Variants in GPX6 observed in about 807,000 individuals in gnomAD.
The protein encoded by GPX6 is glutathione peroxidase 6, also known as glutathione peroxidase 6 (olfactory).
Under a neutral mutation model 20.0 loss-of-function variants are expected in GPX6, and 21 were observed. The ratio of observed to expected loss-of-function variants is 1.05; its 90% CI spans 0.74 to 1.51. The LOEUF (loss-of-function observed/expected upper bound fraction) is 1.51. Ranked by LOEUF, GPX6 falls within the 40% of genes most tolerant of loss-of-function variation. GPX6 has a pLI of 0.00. For synonymous variants in GPX6, 75 were observed against 98.0 expected (o/e 0.77, Z 1.38); for missense variants, 233 against 254.7 (o/e 0.91, Z 0.58).
At chr6:28,511,596 A>C (rs562888533) in intron 1 of GPX6, among the ~76,000 whole-genome samples, 53 of 152,352 alleles carry the variant, frequency 3.5e-4, no homozygotes, top group African/African-American at 1.2e-3. Context: ...ATGTGGAGAG[A>C]AGCACATCAG....
chr6:28,509,153 T>G (rs191579865), intron 2 of GPX6, among the ~76,000 whole-genome samples: 2 of 152,044 alleles, frequency 1.3e-5, no homozygotes, highest in Non-Finnish European at 2.9e-5. Flanking sequence ...TAAGAAAAAT[T>G]GATAGGGTTT....
chr6:28,504,096 C>A lies in GPX6; in HGVS notation c.*196G>T. ...TACCAACAAATACAATTCTACATAT[C>A]CATACACACACACACACACACACAC... On this transcript the variant is annotated 3_prime_UTR_variant, in exon 5 of 5. Transcript: ENST00000361902. 1.9e-6 allele frequency: 1 copy of A among 528,574 alleles called. No homozygotes were observed. Among genetic ancestry groups the A allele is most frequent in the Non-Finnish European group, 3.3e-6 (1 of 306,926 alleles). 32.7% of individuals were successfully genotyped at this position (528,574 alleles called of 1,614,324 possible).
chr6:28,512,484 AC>A (rs1762902566), intron 1 of GPX6, among the ~76,000 whole-genome samples: 1 of 152,210 alleles, frequency 6.6e-6, no homozygotes, highest in African/African-American at 2.4e-5. Context: ...GAAGTGGAGC[AC>A]TTTTGTGTCT....
intron 2 of GPX6, among the ~76,000 whole-genome samples, chr6:28,507,817 C>T (rs1762821340): frequency 6.6e-6 from 1 of 152,020 alleles, no homozygotes; most frequent in African/African-American, 2.4e-5. Context: ...GATCCGGCCA[C>T]CTTGGTCTCC....
chr6:28,511,800 G>T (rs1018195670), intron 1 of GPX6, among the ~76,000 whole-genome samples: 1 of 152,252 alleles, frequency 6.6e-6, no homozygotes, highest in African/African-American at 2.4e-5. Context: ...GGCTGGCCAA[G>T]GCCGGAGCCG....
At chr6:28,513,495 A>T (rs1349940914) in intron 1 of GPX6, among the ~76,000 whole-genome samples, 1 of 152,176 alleles carries the variant, frequency 6.6e-6, no homozygotes, top group African/African-American at 2.4e-5. Context: ...TGTGAGAGGG[A>T]CAAGGGAACT....
At chr6:28,513,977 CTG>C (rs1342674286) in intron 1 of GPX6, among the ~76,000 whole-genome samples, 1 of 152,242 alleles carries the variant, frequency 6.6e-6, no homozygotes, top group Non-Finnish European at 1.5e-5. Context: ...CTGTACACAT[CTG>C]TGCATATACA....
Position 28,503,998 on chromosome 6 carries a change from A to C in GPX6, c.*294T>G. 2.8e-6 allele frequency: 1 copy of C among 356,664 alleles called. No homozygotes were observed. Among genetic ancestry groups the C allele is most frequent in the Non-Finnish European group, 5.1e-6 (1 of 197,914 alleles). The allele number at this position is 356,664 out of a possible 1,614,324, so 22.1% of individuals were successfully genotyped here. On this transcript the variant is annotated 3_prime_UTR_variant, in exon 5 of 5. Coordinates refer to ENST00000361902, the MANE Select transcript of GPX6 (RefSeq NM_182701.1). ...TTCAGGATCAGAGAGTTGGAGAGAT[A>C]GGTGTTCTTTTCCTTAATCTTCAAA... is the stretch of plus-strand genomic sequence containing the variant.
At chr6:28,512,827 C>T (rs1338402291) in intron 1 of GPX6, among the ~76,000 whole-genome samples, 6 of 151,798 alleles carry the variant, frequency 4.0e-5, no homozygotes, top group South Asian at 2.1e-4. Context: ...AGACGCGCTG[C>T]CTTAAGAGCT....
At chr6:28,509,383 AAT>A (rs1370869346) in intron 2 of GPX6, among the ~76,000 whole-genome samples, 2 of 150,232 alleles carry the variant, frequency 1.3e-5, no homozygotes, top group Non-Finnish European at 3.0e-5. Context: ...AAAAAAAAAA[AAT>A]TAGCTAGATA....
At chr6:28,513,391 A>C (rs867754808) in intron 1 of GPX6, among the ~76,000 whole-genome samples, 1 of 152,180 alleles carries the variant, frequency 6.6e-6, no homozygotes, top group Non-Finnish European at 1.5e-5. Context: ...TTGGAGCTCC[A>C]CAATCTGCTA....
intron 1 of GPX6, among the ~76,000 whole-genome samples, chr6:28,512,690 G>T (rs34560199): frequency 6.6e-6 from 1 of 152,096 alleles, no homozygotes; most frequent in Non-Finnish European, 1.5e-5. Context: ...TTTGCAATAA[G>T]TCTTGCTGCT....
Position 28,505,766 on chromosome 6 carries a change from GA to G in GPX6, c.395del (p.Phe132SerfsTer?), listed in dbSNP as rs1762800726. 1.9e-6 allele frequency: 3 copies of G among 1,613,908 alleles called. No individual in the cohort carries two copies. Among genetic ancestry groups the G allele is most frequent in the Non-Finnish European group, 2.5e-6 (3 of 1,179,912 alleles). On this transcript the variant is annotated frameshift_variant, in exon 4 of 5. Coordinates refer to ENST00000361902, the MANE Select transcript of GPX6 (RefSeq NM_182701.1). LOFTEE classifies it high-confidence loss of function. ...TCACATCCCCTTTCTCAAAGAGCTG[GA>G]AACTGGGGACAAAGCCACTACCTGG... ...VCPGSGFVPSFQLFEKGDVNG... is the reference protein window; with the variant it reads ...VCPGSGFVPSXQLFEKGDVNG...
chr6:28,513,537 T>G (rs773021270), intron 1 of GPX6, among the ~76,000 whole-genome samples: 1 of 152,162 alleles, frequency 6.6e-6, no homozygotes, highest in African/African-American at 2.4e-5. Context: ...TGAAAACTCA[T>G]CCTTGGCACC....
At position 28,504,416 on chromosome 6, in the gene GPX6, C is replaced by T; in HGVS notation, c.542G>A (p.Trp181Ter). ...CCCCACCAGAAATTTCTCAAAGTTC[C>T]AGCGGATATCATGGACCTTCATGGG... is the stretch of plus-strand genomic sequence containing the variant. ...WEPMKVHDIR[W>*]NFEKFLVGPD... is the part of the protein sequence containing the mutation. Residue 181 changes from tryptophan (W) to a stop codon, truncating the protein, a stop_gained, in exon 5 of 5, where the codon TGG (tryptophan) becomes TAG (stop). Transcript: ENST00000361902. LOFTEE classifies it high-confidence loss of function. 6.2e-7 allele frequency: 1 copy of T among 1,614,144 alleles called. No individual in the cohort carries two copies. Among genetic ancestry groups the T allele is most frequent in the Non-Finnish European group, 8.5e-7 (1 of 1,180,034 alleles).
intron 1 of GPX6, among the ~76,000 whole-genome samples, chr6:28,514,105 C>T (rs760649553): frequency 1.3e-5 from 2 of 152,186 alleles, no homozygotes; most frequent in Non-Finnish European, 2.9e-5. Context: ...AAATAATTTC[C>T]AGCATTTGTC....
intron 3 of GPX6, 64 bp from the exon 4 acceptor site, chr6:28,505,866 C>T (rs1762801681): frequency 1.7e-6 from 2 of 1,163,122 alleles, no homozygotes; most frequent in Admixed American, 1.7e-5. Flanking sequence ...AAATAATGGC[C>T]ACCACCAATT....
intron 1 of GPX6, among the ~76,000 whole-genome samples, chr6:28,512,053 C>T (rs1212904324): frequency 6.6e-6 from 1 of 152,244 alleles, no homozygotes; most frequent in African/African-American, 2.4e-5. Context: ...CTGCAGCCCG[C>T]CATGCCTGAG....
rs370487311 is a variant in GPX6 at position 28,511,664 on chromosome 6, G to A, written c.88-760C>T. Among the ~76,000 whole-genome samples, 62 of 152,384 alleles carry A rather than the reference G, an allele frequency of 4.1e-4. 4 individuals carry two copies. The East Asian group carries it at 4.8e-3, about 12-fold the overall frequency. ...GAGCAATGCACCATCGTGGTGAGAG[G>A]TGACAACATGCTAGCAGCCCTCACA... On this transcript the variant is annotated intron_variant, in intron 1 of 4. Coordinates refer to ENST00000361902, the MANE Select transcript of GPX6 (RefSeq NM_182701.1).
Sources: gnomAD v4.1 joint callset for allele counts (sites outside exome capture counted in the v4.1 genomes callset) on GRCh38, gnomAD v4.1.1 for gene constraint, MANE v1.5 for transcripts, NCBI Gene and HGNC (gene_info 2026-07-23, HGNC 2026-07-21) for gene names.